Variants in VPS54 observed in about 807,000 individuals in gnomAD.
VPS54 encodes the protein vacuolar protein sorting-associated protein 54.
In VPS54, 45 loss-of-function variants were observed where a neutral mutation model predicts 121.5. The observed-to-expected ratio is 0.37, with a 90% CI of 0.29 to 0.47. The LOEUF (loss-of-function observed/expected upper bound fraction) is 0.47, where lower values mean the gene tolerates loss of function less well. Among genes scored for constraint, VPS54 ranks in the 20% least tolerant of loss-of-function variants. VPS54 has a pLI of 0.99. For missense variants in VPS54, 1,090 were observed against 1,131.4 expected, an observed-to-expected ratio of 0.96 and a Z score of 0.52; for synonymous variants, 371 against 385.8, an observed-to-expected ratio of 0.96 and a Z score of 0.45.
At chr2:63,919,255 G>A (rs1575906556) in intron 15 of VPS54, among the ~76,000 whole-genome samples, 1 of 151,802 alleles carries the variant, frequency 6.6e-6, no homozygotes, top group Middle Eastern at 3.2e-3. Flanking sequence ...CTGCCTCTCT[G>A]GTTCTTCCTT....
At chr2:63,954,492 C>T (rs1434680247) in intron 7 of VPS54, among the ~76,000 whole-genome samples, 1 of 151,940 alleles carries the variant, frequency 6.6e-6, no homozygotes, top group African/African-American at 2.4e-5. Context: ...AAGAATTGTC[C>T]TTCAAAGGGT....
chr2:64,009,694 C>G (rs974605569), intron 1 of VPS54, among the ~76,000 whole-genome samples: 3 of 152,090 alleles, frequency 2.0e-5, no homozygotes, highest in African/African-American at 7.2e-5. Context: ...GATAAATATA[C>G]TACTTTGGCG....
chr2:63,939,282 T>A (rs965567882), intron 11 of VPS54, among the ~76,000 whole-genome samples: 9 of 151,752 alleles, frequency 5.9e-5, no homozygotes, highest in Non-Finnish European at 1.3e-4. Flanking sequence ...TGAGGCAAGA[T>A]AATCACTTGA....
chr2:63,912,681 A>T lies in VPS54; in HGVS notation c.2423-20T>A. 6.4e-7 allele frequency: 1 copy of T among 1,555,502 alleles called. No homozygotes were observed. Among genetic ancestry groups the T allele is most frequent in the East Asian group, 2.4e-5 (1 of 42,232 alleles). On this transcript the variant is annotated intron_variant, in intron 18 of 22. Coordinates refer to ENST00000272322, the MANE Select transcript of VPS54 (RefSeq NM_016516.3). Reference sequence around the variant, plus strand: ...AAAGAGCTGAAGATCCAGGGAGTAGATATATAATGGAGAAATAAAAAAAAA... The same window carrying T: ...AAAGAGCTGAAGATCCAGGGAGTAGTTATATAATGGAGAAATAAAAAAAAA...
chr2:63,916,540 T>A (rs865967125), intron 16 of VPS54, among the ~76,000 whole-genome samples: 1 of 152,114 alleles, frequency 6.6e-6, no homozygotes, highest in Non-Finnish European at 1.5e-5. Context: ...ACTTAAACTA[T>A]TATGCTATAA....
intron 1 of VPS54, among the ~76,000 whole-genome samples, chr2:63,985,084 C>A (rs1676980982): frequency 6.6e-6 from 1 of 152,134 alleles, no homozygotes; most frequent in South Asian, 2.1e-4. Context: ...CTTTGGGAGG[C>A]CAAAGCAGGC....
intron 1 of VPS54, among the ~76,000 whole-genome samples, chr2:64,001,986 C>T (rs530251963): frequency 6.6e-6 from 1 of 152,314 alleles, no homozygotes; most frequent in African/African-American, 2.4e-5. Context: ...CACACCTCAG[C>T]CCACAGTGGC....
At chr2:63,978,282 C>A (rs77583944) in intron 3 of VPS54, among the ~76,000 whole-genome samples, 1,873 of 152,250 alleles carry the variant, frequency 0.012, 17 homozygotes, top group Non-Finnish European at 0.015. Flanking sequence ...ACTTTAAATT[C>A]CCACCAGCGG....
chr2:63,990,314 AAGCTCCCGCGGCCACGACTCAGAC>A (rs1221528710), intron 1 of VPS54, among the ~76,000 whole-genome samples: 3 of 150,920 alleles, frequency 2.0e-5, no homozygotes, highest in Non-Finnish European at 4.4e-5. Flanking sequence ...CAGTACTTAT[AAGCTCCCGCGGCCACGACTCAGAC>A]AGCCCGGGAC....
intron 3 of VPS54, among the ~76,000 whole-genome samples, chr2:63,976,929 C>T (rs1395803073): frequency 2.0e-5 from 3 of 148,234 alleles, no homozygotes; most frequent in South Asian, 2.2e-4. Context: ...CCCAGGTTCA[C>T]GTGATTCTCT....
At chr2:63,988,513 G>A (rs550314588) in intron 1 of VPS54, among the ~76,000 whole-genome samples, 1 of 152,284 alleles carries the variant, frequency 6.6e-6, no homozygotes, top group South Asian at 2.1e-4. Context: ...CATAAATTGT[G>A]AAAATTTCAT....
chr2:63,933,702 T>C lies in VPS54; in HGVS notation c.1710A>G (p.Ser570=). 5.6e-6 allele frequency: 9 copies of C among 1,613,392 alleles called. No individual in the cohort carries two copies. Among genetic ancestry groups the C allele is most frequent in the Non-Finnish European group, 7.6e-6 (9 of 1,179,712 alleles). The change falls in exon 12 of 23, where the codon TCA becomes TCG. Residue 570 remains serine, a synonymous_variant. Coordinates refer to ENST00000272322, the MANE Select transcript of VPS54 (RefSeq NM_016516.3). ...DSSSSKEHTS[S]SAIPGGVDIM... ...TATCCACACCTCCTGGAATAGCAGA[T>C]GATGATGTGTGCTCTTTGCTGGATG... is the stretch of plus-strand genomic sequence containing the variant.
At chr2:63,991,479 A>C (rs1677314445) in intron 1 of VPS54, among the ~76,000 whole-genome samples, 1 of 152,140 alleles carries the variant, frequency 6.6e-6, no homozygotes, top group African/African-American at 2.4e-5. Context: ...GCCATGAAGG[A>C]CCAATCAAAC....
chr2:64,002,780 A>T (rs1159977839), intron 1 of VPS54, among the ~76,000 whole-genome samples: 2 of 152,226 alleles, frequency 1.3e-5, no homozygotes, highest in Non-Finnish European at 2.9e-5. Flanking sequence ...CTTAATTCTT[A>T]TAACAAGAGG....
intron 22 of VPS54, among the ~76,000 whole-genome samples, chr2:63,896,200 C>T (rs889435658): frequency 3.3e-5 from 5 of 152,104 alleles, no homozygotes; most frequent in Non-Finnish European, 5.9e-5. Context: ...GTTGGTATAA[C>T]GCTATTAATG....
chr2:63,964,655 C>T (rs1027124418), intron 6 of VPS54, among the ~76,000 whole-genome samples: 3 of 152,230 alleles, frequency 2.0e-5, no homozygotes, highest in Admixed American at 6.5e-5. Context: ...AGCTCATTTT[C>T]GTTTTCAATT....
chr2:63,970,206 T>TACAC (rs764067102), intron 4 of VPS54, among the ~76,000 whole-genome samples: 14 of 50,494 alleles, frequency 2.8e-4, no homozygotes, highest in Non-Finnish European at 2.1e-4. Flanking sequence ...AAAAAAAATA[T>TACAC]ATATATACAC....
chr2:63,913,989 C>CT, intron 17 of VPS54, 193 bp downstream of exon 17: 1 of 1,256,858 alleles, frequency 8.0e-7, no homozygotes, highest in South Asian at 1.7e-5. Flanking sequence ...ATGAGGATCA[C>CT]TAACTGTGGA....
chr2:63,919,763 G>T, intron 15 of VPS54, 120 bp downstream of exon 15: 1 of 613,018 alleles, frequency 1.6e-6, no homozygotes, highest in South Asian at 2.9e-5. Context: ...TATTTACTAA[G>T]CTGGAAATAT....
Sources: gnomAD v4.1 joint callset for allele counts (sites outside exome capture counted in the v4.1 genomes callset) on GRCh38, gnomAD v4.1.1 for gene constraint, MANE v1.5 for transcripts, NCBI Gene and HGNC (gene_info 2026-07-23, HGNC 2026-07-21) for gene names.